Variants in TRIM14 observed in about 807,000 individuals in gnomAD.
The protein encoded by TRIM14 is tripartite motif-containing protein 14.
In TRIM14, 28 loss-of-function variants were observed where a neutral mutation model predicts 44.5. That is an observed-to-expected ratio of 0.63 (90% confidence interval 0.47 to 0.86). TRIM14 has a LOEUF of 0.86. Ranked by LOEUF, TRIM14 falls within the 40% of genes least tolerant of loss-of-function variation. The pLI is 0.00. For missense variants in TRIM14, 607 were observed against 611.1 expected (o/e 0.99, Z 0.07); for synonymous variants, 299 against 269.2 (o/e 1.11, Z -1.08).
At chr9:98,081,032 G>A (rs1382123535), downstream of TRIM14, 1 of 1,614,162 alleles carries the variant, frequency 6.2e-7, no homozygotes, top group East Asian at 2.2e-5. Flanking sequence ...GCGTGCCCTG[G>A]GCTCCCCAAC....
the TRIM14 span, among the ~76,000 whole-genome samples, chr9:98,046,705 C>T: frequency 2.0e-5 from 3 of 152,056 alleles, no homozygotes; most frequent in Admixed American, 2.0e-4. Context: ...TCTCAAAGTG[C>T]TGGGATTACA....
the TRIM14 span, among the ~76,000 whole-genome samples, chr9:98,043,179 T>C: frequency 1.5e-5 from 2 of 136,072 alleles, no homozygotes; most frequent in Non-Finnish European, 3.1e-5. Context: ...GCCCTAAATT[T>C]GCATTTTTTT....
chr9:98,048,164 A>G, the TRIM14 span, among the ~76,000 whole-genome samples: 1 of 152,186 alleles, frequency 6.6e-6, no homozygotes, highest in Admixed American at 6.5e-5. Context: ...TGGGCTGGTT[A>G]GCTTTGGATT....
intron 2 of TRIM14, among the ~76,000 whole-genome samples, chr9:98,106,825 CTTTTTTTTTT>C (rs990996900): frequency 1.7e-5 from 2 of 116,188 alleles, no homozygotes; most frequent in African/African-American, 6.7e-5. Context: ...TTTCTTTCTT[CTTTTTTTTTT>C]TTTTTTTTGA....
intron 1 of TRIM14, among the ~76,000 whole-genome samples, chr9:98,112,471 C>G (rs552873773): frequency 6.6e-6 from 1 of 152,192 alleles, no homozygotes; most frequent in African/African-American, 2.4e-5. Context: ...ATTAATCTCA[C>G]AAAAGACATT....
At chr9:98,118,445 T>C (rs572251652) in intron 1 of TRIM14, among the ~76,000 whole-genome samples, 16 of 152,068 alleles carry the variant, frequency 1.1e-4, no homozygotes, top group Non-Finnish European at 1.8e-4. Context: ...AATGGGAGTG[T>C]CTGTGTGGCC....
chr9:98,090,813 C>T (rs966948011), intron 5 of TRIM14, among the ~76,000 whole-genome samples: 7 of 152,116 alleles, frequency 4.6e-5, no homozygotes, highest in Non-Finnish European at 7.4e-5. Flanking sequence ...ATCCACCTGC[C>T]TTGGGTTCCC....
Position 98,095,655 on chromosome 9 carries a change from C to A in TRIM14, c.538-626G>T, listed in dbSNP as rs905169599. Among the ~76,000 whole-genome samples, 1 of 152,182 alleles carries A rather than the reference C, an allele frequency of 6.6e-6. No homozygotes were observed. ...GCTTCACTAAGGAGAAGCTAGAAAACCCCCTCTCCCAGCTCCCTTTGCACC... is the reference window on the plus strand; with the variant it reads ...GCTTCACTAAGGAGAAGCTAGAAAAACCCCTCTCCCAGCTCCCTTTGCACC... On this transcript the variant is annotated intron_variant, in intron 3 of 5. Coordinates refer to ENST00000341469, the MANE Select transcript of TRIM14 (RefSeq NM_014788.4). This position sits in a 1 kb window ranked among gnomAD's most constrained non-coding sequence, Gnocchi z 4.1.
At chr9:98,040,122 G>A in the TRIM14 span, among the ~76,000 whole-genome samples, 1 of 152,058 alleles carries the variant, frequency 6.6e-6, no homozygotes, top group Non-Finnish European at 1.5e-5. Flanking sequence ...GAGATTACAG[G>A]CATGAGCCAC....
intron 2 of TRIM14, among the ~76,000 whole-genome samples, chr9:98,104,321 A>G (rs1015108902): frequency 3.3e-5 from 5 of 152,230 alleles, no homozygotes; most frequent in Non-Finnish European, 5.9e-5. Flanking sequence ...AAACCAAGAG[A>G]GCAAATATCT....
chr9:98,091,805 T>C, intron 5 of TRIM14, 104 bp downstream of exon 5: 1 of 489,260 alleles, frequency 2.0e-6, no homozygotes, highest in Non-Finnish European at 3.1e-6. Flanking sequence ...ATAAATAAAT[T>C]CTAATGAGAA....
At chr9:98,063,472 C>T in the TRIM14 span, among the ~76,000 whole-genome samples, 1 of 152,056 alleles carries the variant, frequency 6.6e-6, no homozygotes, top group African/African-American at 2.4e-5. Flanking sequence ...GAACTTTTGA[C>T]CTCAGGTTAT....
chr9:98,078,955 A>G (rs1344666300), intron 6 of TRIM14, among the ~76,000 whole-genome samples: 2 of 151,910 alleles, frequency 1.3e-5, no homozygotes, highest in Non-Finnish European at 2.9e-5. Flanking sequence ...ATCTTTTTTC[A>G]TACTGAGTTA....
At chr9:98,054,999 G>A in the TRIM14 span, among the ~76,000 whole-genome samples, 4 of 152,158 alleles carry the variant, frequency 2.6e-5, no homozygotes, top group African/African-American at 7.2e-5. Context: ...TAGCATTCAG[G>A]GATCAGAGGT....
chr9:98,061,536 C>G, the TRIM14 span, among the ~76,000 whole-genome samples: 5 of 148,856 alleles, frequency 3.4e-5, no homozygotes, highest in Non-Finnish European at 5.9e-5. Context: ...AATCCCAGCA[C>G]TTTGGGAGGC....
chr9:98,111,931 T>C (rs1486506177), intron 1 of TRIM14, among the ~76,000 whole-genome samples: 3 of 152,144 alleles, frequency 2.0e-5, no homozygotes, highest in African/African-American at 7.2e-5. Context: ...AGAGTGAAAC[T>C]CCGTCTCAAA....
chr9:98,060,892 C>T, the TRIM14 span: 15 of 1,614,014 alleles, frequency 9.3e-6, no homozygotes, highest in Non-Finnish European at 1.1e-5. Flanking sequence ...GGAAGACGTA[C>T]GGGGAGCACA....
At chr9:98,056,858 AC>A in the TRIM14 span, 1 of 1,612,208 alleles carries the variant, frequency 6.2e-7, no homozygotes, top group African/African-American at 1.3e-5. Flanking sequence ...GGCGGGCAAC[AC>A]CCGTGCTTCA....
At chr9:98,105,293 T>G (rs1170355318) in intron 2 of TRIM14, among the ~76,000 whole-genome samples, 1 of 152,248 alleles carries the variant, frequency 6.6e-6, no homozygotes, top group East Asian at 1.9e-4. Context: ...GCCCATTTCC[T>G]GCCCATCCCC....
Sources: allele counts gnomAD v4.1 joint callset (sites outside exome capture counted in the v4.1 genomes callset), GRCh38; gene constraint gnomAD v4.1.1; non-coding constraint Gnocchi (gnomAD v3.1); transcripts MANE v1.5; gene names NCBI Gene and HGNC (gene_info 2026-07-23, HGNC 2026-07-21).